The following TANGO6 variants were observed in gnomAD, a reference collection of about 807,000 sequenced individuals.
TANGO6 encodes the protein transport and golgi organization 6 homolog, also known as transport and Golgi organization protein 6 homolog.
In TANGO6, 90 loss-of-function variants were observed where a neutral mutation model predicts 114.2. That is an observed-to-expected ratio of 0.79 (90% CI 0.66 to 0.94). The LOEUF is 0.94. Among genes scored for constraint, TANGO6 ranks in the 40% least tolerant of loss-of-function variants. TANGO6 has a pLI of 0.00. For synonymous variants in TANGO6, 477 were observed against 509.8 expected (o/e 0.94, Z 0.87); for missense variants, 1,274 against 1,315.3 (o/e 0.97, Z 0.49).
chr16:68,843,659 A>T lies in TANGO6; in HGVS notation c.42A>T (p.Thr14=). Residue 14 remains threonine (T), a synonymous_variant, in exon 1 of 18, where the codon ACA becomes ACT. Transcript: ENST00000261778. ...CCGTGGGCAGCGGGGCTCAGGAGAC[A>T]TGCGGTCTGGATCGGATTTTGGAGG... ...RQAVGSGAQE[T]CGLDRILEAL... is the part of the protein sequence containing the mutation. 6.2e-7 allele frequency: 1 copy of T among 1,613,762 alleles called. No homozygotes were observed. The highest frequency in any genetic ancestry group is 8.5e-7 in the Non-Finnish European group (1 of 1,179,730).
At chr16:69,002,089 TTC>T (rs1964049931) in intron 15 of TANGO6, among the ~76,000 whole-genome samples, 1 of 151,984 alleles carries the variant, frequency 6.6e-6, no homozygotes, top group Admixed American at 6.6e-5. Context: ...ATTCTTGGAG[TTC>T]CATGAGGAAA....
chr16:68,988,384 G>A (rs896319919), intron 15 of TANGO6, among the ~76,000 whole-genome samples: 1 of 152,134 alleles, frequency 6.6e-6, no homozygotes, highest in South Asian at 2.1e-4. Context: ...CTTTTCTTCA[G>A]TTTTCTTTGC....
intron 17 of TANGO6, among the ~76,000 whole-genome samples, chr16:69,049,556 C>T (rs866369168): frequency 2.0e-5 from 3 of 151,890 alleles, no homozygotes; most frequent in African/African-American, 4.8e-5. Context: ...CTCAGCCTCC[C>T]GAGTAGCTGG....
intron 17 of TANGO6, among the ~76,000 whole-genome samples, chr16:69,046,155 A>T (rs1338515490): frequency 6.6e-6 from 1 of 152,076 alleles, no homozygotes; most frequent in South Asian, 2.1e-4. Flanking sequence ...CTTAACATTC[A>T]TAATGTCCAG....
chr16:68,900,679 G>C, intron 8 of TANGO6, 133 bp downstream of exon 8: 1 of 756,142 alleles, frequency 1.3e-6, no homozygotes, highest in Non-Finnish European at 2.1e-6. Context: ...AAAACACTGG[G>C]ATCTTCCTAT....
intron 15 of TANGO6, among the ~76,000 whole-genome samples, chr16:68,994,168 T>C (rs1963970976): frequency 6.6e-6 from 1 of 152,244 alleles, no homozygotes; most frequent in Non-Finnish European, 1.5e-5. Flanking sequence ...TGTTTCTGTG[T>C]TATTTTAGTT....
At chr16:68,926,382 T>C (rs1282435082) in intron 12 of TANGO6, among the ~76,000 whole-genome samples, 1 of 151,118 alleles carries the variant, frequency 6.6e-6, no homozygotes, top group South Asian at 2.1e-4. Context: ...TAGTCCCAGC[T>C]ACTCGGGAGG....
intron 4 of TANGO6, among the ~76,000 whole-genome samples, chr16:68,868,732 C>T (rs541870049): frequency 3.3e-5 from 5 of 152,000 alleles, no homozygotes; most frequent in Admixed American, 2.6e-4. Flanking sequence ...CTTCTGACCT[C>T]GTGATCCACC....
chr16:69,060,884 C>T (rs1052886721), intron 17 of TANGO6, among the ~76,000 whole-genome samples: 5 of 151,518 alleles, frequency 3.3e-5, no homozygotes, highest in African/African-American at 4.8e-5. Flanking sequence ...CCCAGCTACT[C>T]GGGAGGCTGA....
Position 68,907,481 on chromosome 16 carries a change from C to G in TANGO6, c.1706C>G (p.Ser569Cys). Residue 569 changes from serine (S) to cysteine (C), a missense_variant, in exon 10 of 18, where the codon TCC becomes TGC. By Grantham distance (112) the Ser-to-Cys change is moderately radical. Transcript: ENST00000261778. ...DEDEALYQKV[S>C]SEQGRVEHLG... ...GATGAAGCCCTGTACCAGAAGGTAT[C>G]CTCTGAGCAGGGCCGGGTGGAGCAT... 6.2e-7 allele frequency: 1 copy of G among 1,613,036 alleles called. No homozygotes were observed. The highest frequency in any genetic ancestry group is 8.5e-7 in the Non-Finnish European group (1 of 1,179,634).
At chr16:69,020,900 ATGTATG>A (rs1336793265) in intron 15 of TANGO6, among the ~76,000 whole-genome samples, 5 of 126,408 alleles carry the variant, frequency 4.0e-5, no homozygotes, top group South Asian at 2.3e-4. Flanking sequence ...TTATATATGT[ATGTATG>A]TGTGTGTGTG....
At chr16:68,969,689 CA>C (rs67855533) in intron 14 of TANGO6, among the ~76,000 whole-genome samples, 14,898 of 114,730 alleles carry the variant, frequency 0.13, 801 homozygotes, top group African/African-American at 0.2. Context: ...ATAGGAAAAG[CA>C]AAAAAAAAAA....
At chr16:68,939,013 A>G (rs1963324321) in intron 14 of TANGO6, among the ~76,000 whole-genome samples, 1 of 144,284 alleles carries the variant, frequency 6.9e-6, no homozygotes, top group African/African-American at 2.5e-5. Flanking sequence ...TCAAGGCTGC[A>G]GTGAGTTATG....
intron 17 of TANGO6, among the ~76,000 whole-genome samples, chr16:69,052,503 C>T (rs1374359584): frequency 6.6e-6 from 1 of 151,984 alleles, no homozygotes; most frequent in Non-Finnish European, 1.5e-5. Context: ...TGAGCTTGAG[C>T]CATCTGCCCA....
At chr16:69,002,671 G>A (rs547049411) in intron 15 of TANGO6, among the ~76,000 whole-genome samples, 2 of 152,084 alleles carry the variant, frequency 1.3e-5, no homozygotes, top group African/African-American at 4.8e-5. Context: ...ACCCAGTCTC[G>A]GCTGTGTAAA....
chr16:69,020,193 TTCCCCAACTTGA>T (rs1183782295), intron 15 of TANGO6, among the ~76,000 whole-genome samples: 1 of 152,190 alleles, frequency 6.6e-6, no homozygotes, highest in Admixed American at 6.6e-5. Context: ...TACTAATTAT[TTCCCCAACTTGA>T]TCCCCAACTT....
intron 17 of TANGO6, among the ~76,000 whole-genome samples, chr16:69,058,545 T>G (rs1457143939): frequency 1.3e-5 from 2 of 152,232 alleles, no homozygotes; most frequent in Non-Finnish European, 2.9e-5. Context: ...TATTGCCAGC[T>G]TGGCTGTTCT....
At chr16:68,960,651 C>T (rs1963579777) in intron 14 of TANGO6, among the ~76,000 whole-genome samples, 1 of 152,074 alleles carries the variant, frequency 6.6e-6, no homozygotes, top group Admixed American at 6.6e-5. Flanking sequence ...CAAGTGTACG[C>T]CACCATGCCT....
chr16:69,032,060 GCCC>G (rs1959602763), intron 16 of TANGO6, among the ~76,000 whole-genome samples: 1 of 151,956 alleles, frequency 6.6e-6, no homozygotes, highest in South Asian at 2.1e-4. Context: ...GAGTGCAGAG[GCCC>G]TGCGACAGGT....
Sources: gnomAD v4.1 joint callset for allele counts (sites outside exome capture counted in the v4.1 genomes callset) on GRCh38, gnomAD v4.1.1 for gene constraint, MANE v1.5 for transcripts, NCBI Gene and HGNC (gene_info 2026-07-23, HGNC 2026-07-21) for gene names.